Variants in QRFPR observed in about 807,000 individuals in gnomAD.
The protein encoded by QRFPR is pyroglutamylated RFamide peptide receptor, also known as pyroglutamylated RF-amide peptide receptor.
In QRFPR, 37 loss-of-function variants were observed where a neutral mutation model predicts 31.3. The observed-to-expected ratio is 1.18, with a 90% CI of 0.91 to 1.56. The LOEUF is 1.56. QRFPR is among the 40% of genes most tolerant of loss of function. QRFPR has a pLI of 0.00. For synonymous variants in QRFPR, 197 were observed against 192.0 expected (o/e 1.03, Z -0.22); for missense variants, 542 against 532.5 (o/e 1.02, Z -0.18).
chr4:121,337,633 T>C (rs1725459346), intron 2 of QRFPR, among the ~76,000 whole-genome samples: 2 of 152,100 alleles, frequency 1.3e-5, no homozygotes. Context: ...TGTACATTTA[T>C]CTTAAGCACC....
intron 1 of QRFPR, among the ~76,000 whole-genome samples, chr4:121,378,464 G>A (rs1726401046): frequency 6.9e-6 from 1 of 145,120 alleles, no homozygotes; most frequent in Non-Finnish European, 1.5e-5. Flanking sequence ...CCAGGTTGGA[G>A]TGCAGTAGCG....
intron 1 of QRFPR, among the ~76,000 whole-genome samples, chr4:121,360,102 G>A (rs572311093): frequency 9.9e-5 from 15 of 152,104 alleles, no homozygotes; most frequent in South Asian, 2.1e-4. Context: ...ATGAGTACAC[G>A]ACAAATTTGC....
rs148804278 is a variant in QRFPR at position 121,333,748 on chromosome 4, C to T, written c.562-692G>A. On this transcript the variant is annotated intron_variant, in intron 3 of 5. Transcript: ENST00000394427. ...CAACAATAATAAATAATAGAGAGTG[C>T]TTTAAGGGCTAGTTCAAGAACAAAC... Among the ~76,000 whole-genome samples the T allele has an allele frequency of 6.6e-5, 10 of 152,248 alleles. No individual in the cohort carries two copies. The East Asian group carries it at 1.7e-3, about 26-fold the overall frequency.
chr4:121,329,945 A>G (rs976467774), intron 5 of QRFPR, among the ~76,000 whole-genome samples: 1 of 152,172 alleles, frequency 6.6e-6, no homozygotes, highest in Non-Finnish European at 1.5e-5. Context: ...AGCATATAGT[A>G]GGGGGCTTAT....
In QRFPR at chr4:121,328,695, T is replaced by C. The variant is rs909048990; in HGVS notation, c.*619A>G. The stretch of plus-strand genomic sequence containing the variant: ...AAACTGCTAGCTAAGAACCCTGATT[T>C]CTGTACAAGATTTTTAAAAATCCAC... On this transcript the variant is annotated 3_prime_UTR_variant, in exon 6 of 6. Coordinates refer to ENST00000394427, the MANE Select transcript of QRFPR (RefSeq NM_198179.3). 4.6e-5 allele frequency among the ~76,000 whole-genome samples: 7 copies of C among 152,190 alleles called. No individual in the cohort carries two copies. Among genetic ancestry groups the C allele is most frequent in the Non-Finnish European group, 8.8e-5 (6 of 68,030 alleles).
At chr4:121,370,217 C>T in intron 1 of QRFPR, 1 of 776,136 alleles carries the variant, frequency 1.3e-6, no homozygotes, top group Non-Finnish European at 2.4e-6. Context: ...GAGGAGGAGT[C>T]ATGGGTGCAG....
chr4:121,371,146 G>A (rs1376970616), intron 1 of QRFPR, among the ~76,000 whole-genome samples: 1 of 152,170 alleles, frequency 6.6e-6, no homozygotes. Flanking sequence ...GTAGGAACAT[G>A]CTGTCTTTTA....
intron 1 of QRFPR, among the ~76,000 whole-genome samples, chr4:121,366,430 T>C (rs1309833782): frequency 6.7e-6 from 1 of 150,012 alleles, no homozygotes; most frequent in Non-Finnish European, 1.5e-5. Context: ...GTAACATTTG[T>C]GTGACATTCA....
At chr4:121,330,899 T>C (rs1023107771) in intron 4 of QRFPR, among the ~76,000 whole-genome samples, 3 of 152,302 alleles carry the variant, frequency 2.0e-5, no homozygotes, top group South Asian at 2.1e-4. Context: ...CTAACTTCTG[T>C]GACTTCAATA....
Position 121,364,713 on chromosome 4 carries a change from G to A in QRFPR, c.340+15595C>T, listed in dbSNP as rs58852363. The stretch of plus-strand genomic sequence containing the variant: ...TAATTAAAGATTAAAATTATTTTAC[G>A]TTAGTGCTGGTCACTGGACTAAATT... On this transcript the variant is annotated intron_variant, in intron 1 of 5. Coordinates refer to ENST00000394427, the MANE Select transcript of QRFPR (RefSeq NM_198179.3). Among the ~76,000 whole-genome samples, 912 of 149,634 alleles carry A rather than the reference G, an allele frequency of 6.1e-3. 63 individuals carry two copies. Among genetic ancestry groups the A allele is most frequent in the African/African-American group, 0.022 (878 of 40,450 alleles).
chr4:121,340,469 C>G lies in QRFPR; in HGVS notation c.482G>C (p.Arg161Thr). The G allele has an allele frequency of 6.2e-7, 1 of 1,614,016 alleles. No individual in the cohort carries two copies. The highest frequency in any genetic ancestry group is 8.5e-7 in the Non-Finnish European group (1 of 1,179,944). The change falls in exon 2 of 6, where the codon AGG becomes ACG. Residue 161 changes from arginine to threonine, a missense_variant. Coordinates refer to ENST00000394427, the MANE Select transcript of QRFPR (RefSeq NM_198179.3). ...FKMKWQYTNR[R>T]AFTMLGVVWL... Reference sequence around the variant, plus strand: ...GGCCTCACCTAGCATTGTGAAAGCCCTTCGGTTGGTGTATTGCCACTTCAT... The same window carrying G: ...GGCCTCACCTAGCATTGTGAAAGCCGTTCGGTTGGTGTATTGCCACTTCAT...
intron 2 of QRFPR, among the ~76,000 whole-genome samples, chr4:121,337,921 A>G (rs1181660069): frequency 6.6e-6 from 1 of 152,158 alleles, no homozygotes; most frequent in Non-Finnish European, 1.5e-5. Context: ...CAAGGGCCCC[A>G]ACTTTGATTT....
At chr4:121,368,998 C>A (rs1726179332) in intron 1 of QRFPR, among the ~76,000 whole-genome samples, 1 of 152,176 alleles carries the variant, frequency 6.6e-6, no homozygotes, top group Non-Finnish European at 1.5e-5. Flanking sequence ...GTATCTCCAG[C>A]TCTAGCCTCA....
In QRFPR at chr4:121,339,898, T is replaced by C. The variant is rs1248032225; in HGVS notation, c.499+554A>G. Among the ~76,000 whole-genome samples the C allele has an allele frequency of 2.6e-5, 4 of 151,864 alleles. No homozygotes were observed. The East Asian group carries it at 7.7e-4, about 29-fold the overall frequency. ...TGAGCTTGGGAGGCTGAGGCTGCAG[T>C]GAGTTGTGATCACACCACTGCACTC... On this transcript the variant is annotated intron_variant, in intron 2 of 5. Coordinates refer to ENST00000394427, the MANE Select transcript of QRFPR (RefSeq NM_198179.3).
intron 1 of QRFPR, among the ~76,000 whole-genome samples, chr4:121,341,228 A>G (rs749647485): frequency 2.6e-5 from 4 of 152,206 alleles, no homozygotes; most frequent in Non-Finnish European, 5.9e-5. Context: ...TGTATTGTCA[A>G]TCTTTTAAAA....
chr4:121,341,592 C>T (rs1221304011), intron 1 of QRFPR, among the ~76,000 whole-genome samples: 1 of 152,154 alleles, frequency 6.6e-6, no homozygotes, highest in Non-Finnish European at 1.5e-5. Flanking sequence ...CGCATCTTCC[C>T]TCATGTGACA....
intron 1 of QRFPR, among the ~76,000 whole-genome samples, chr4:121,358,351 C>G (rs989814585): frequency 2.0e-5 from 3 of 152,088 alleles, no homozygotes; most frequent in African/African-American, 7.2e-5. Flanking sequence ...CTGACAGAGC[C>G]AATTTCAAAA....
At chr4:121,343,324 G>A (rs1725579824) in intron 1 of QRFPR, among the ~76,000 whole-genome samples, 1 of 152,052 alleles carries the variant, frequency 6.6e-6, no homozygotes, top group South Asian at 2.1e-4. Context: ...TATCCCTAAG[G>A]GGAAAAATGT....
chr4:121,361,116 C>T (rs143840665), intron 1 of QRFPR, among the ~76,000 whole-genome samples: 1,584 of 151,044 alleles, frequency 0.01, 154 homozygotes, highest in Admixed American at 0.098. Flanking sequence ...TCCAGCCACA[C>T]GCTACAGAAA....
Sources: allele counts gnomAD v4.1 joint callset (sites outside exome capture counted in the v4.1 genomes callset), GRCh38; gene constraint gnomAD v4.1.1; transcripts MANE v1.5; gene names NCBI Gene and HGNC (gene_info 2026-07-23, HGNC 2026-07-21).